ARHGAP24: variants seen among roughly 807,000 people sequenced by gnomAD.
ARHGAP24 encodes the protein Rho GTPase activating protein 24.
A neutral mutation model predicts 76.4 loss-of-function variants in ARHGAP24; 50 were observed. The observed-to-expected ratio is 0.65, with a 90% CI of 0.52 to 0.83. The LOEUF is 0.83. ARHGAP24 is among the 40% of genes least tolerant of loss of function. The pLI is 0.00. For synonymous variants in ARHGAP24, 345 were observed against 323.3 expected (o/e 1.07, Z -0.72); for missense variants, 930 against 914.2 (o/e 1.02, Z -0.22).
chr4:85,545,561 T>G (rs796354924), intron 1 of ARHGAP24, among the ~76,000 whole-genome samples: 3 of 152,302 alleles, frequency 2.0e-5, no homozygotes, highest in African/African-American at 7.2e-5. Flanking sequence ...CTGCAAAGGA[T>G]GCGCAAGAGA....
intron 1 of ARHGAP24, among the ~76,000 whole-genome samples, chr4:85,492,002 G>C (rs1314438482): frequency 1.3e-5 from 2 of 151,606 alleles, no homozygotes; most frequent in African/African-American, 4.9e-5. Context: ...TTTGTCTTTT[G>C]TCTTTCTTCC....
intron 3 of ARHGAP24, 54 bp from the exon 4 acceptor site, chr4:85,923,594 T>G: frequency 6.2e-7 from 1 of 1,611,320 alleles, no homozygotes; most frequent in Non-Finnish European, 8.5e-7. Context: ...TGGAGGCTGA[T>G]CATGAGGAAT....
intron 3 of ARHGAP24, among the ~76,000 whole-genome samples, chr4:85,874,263 T>C (rs1438529298): frequency 6.6e-6 from 1 of 152,174 alleles, no homozygotes; most frequent in Non-Finnish European, 1.5e-5. Flanking sequence ...CCCTTTGAGA[T>C]GGAGGTCTCA....
At chr4:85,926,211 C>A (rs1359046785) in intron 4 of ARHGAP24, among the ~76,000 whole-genome samples, 1 of 152,074 alleles carries the variant, frequency 6.6e-6, no homozygotes. Context: ...GTTGATTGGT[C>A]TATAAACTTT....
In ARHGAP24 at chr4:85,721,160, C is replaced by G. The variant is rs188049796; in HGVS notation, c.181-725C>G. ...CCTGTAATCCCAGCATTTTGGGAAG[C>G]CGAGGCAGGTGGATCACCTAAGGTC... On this transcript the variant is annotated intron_variant, in intron 2 of 9. Coordinates refer to ENST00000395184, the MANE Select transcript of ARHGAP24 (RefSeq NM_001025616.3). Among the ~76,000 whole-genome samples, 4 of 152,200 alleles carry G rather than the reference C, an allele frequency of 2.6e-5. No individual in the cohort carries two copies. In the East Asian group the frequency reaches 7.7e-4, roughly 29 times the overall value.
chr4:85,905,424 T>G (rs1734720790), intron 3 of ARHGAP24, among the ~76,000 whole-genome samples: 1 of 152,182 alleles, frequency 6.6e-6, no homozygotes. Context: ...AATTAACTCT[T>G]ACATACTATA....
At chr4:85,724,603 TA>T (rs1292214233) in intron 3 of ARHGAP24, among the ~76,000 whole-genome samples, 1 of 151,256 alleles carries the variant, frequency 6.6e-6, no homozygotes, top group Admixed American at 6.6e-5. Context: ...AAAATCATAT[TA>T]AAAAAACAAG....
intron 1 of ARHGAP24, among the ~76,000 whole-genome samples, chr4:85,558,189 C>T (rs977393196): frequency 1.3e-5 from 2 of 152,242 alleles, no homozygotes; most frequent in African/African-American, 4.8e-5. Context: ...CAAGCCCATC[C>T]CTTTAGCAAA....
At chr4:85,670,728 C>G (rs897659472) in intron 2 of ARHGAP24, among the ~76,000 whole-genome samples, 1 of 151,928 alleles carries the variant, frequency 6.6e-6, no homozygotes, top group African/African-American at 2.4e-5. Flanking sequence ...TTTGCATTGC[C>G]TTTAAGCCAC....
At chr4:85,643,440 A>G (rs1231800905) in intron 2 of ARHGAP24, among the ~76,000 whole-genome samples, 5 of 115,910 alleles carry the variant, frequency 4.3e-5, no homozygotes, top group African/African-American at 1.5e-4. Context: ...TTGTATTTTT[A>G]GTAGAGACGG....
intron 3 of ARHGAP24, among the ~76,000 whole-genome samples, chr4:85,916,476 A>G (rs1348601095): frequency 6.6e-6 from 1 of 152,152 alleles, no homozygotes; most frequent in Non-Finnish European, 1.5e-5. Flanking sequence ...AGAACTCTCC[A>G]TCCCACTAAA....
chr4:85,824,269 T>C, intron 3 of ARHGAP24, among the ~76,000 whole-genome samples: 1 of 152,234 alleles, frequency 6.6e-6, no homozygotes, highest in East Asian at 1.9e-4. Flanking sequence ...TCACAGCTTA[T>C]AAGTATTATC....
chr4:85,520,580 ATC>A (rs1289802528), intron 1 of ARHGAP24, among the ~76,000 whole-genome samples: 2 of 152,134 alleles, frequency 1.3e-5, no homozygotes, highest in African/African-American at 4.8e-5. Flanking sequence ...TTTCCTAACT[ATC>A]TCTCTGCATT....
chr4:85,566,162 T>C (rs1726837270), intron 1 of ARHGAP24, among the ~76,000 whole-genome samples: 1 of 152,240 alleles, frequency 6.6e-6, no homozygotes, highest in South Asian at 2.1e-4. Flanking sequence ...ACTGTTTATT[T>C]AGATTATTAC....
At chr4:85,795,902 C>A (rs1728321202) in intron 3 of ARHGAP24, among the ~76,000 whole-genome samples, 1 of 152,114 alleles carries the variant, frequency 6.6e-6, no homozygotes. Context: ...CAACTTGACT[C>A]ATTCACACAT....
intron 2 of ARHGAP24, among the ~76,000 whole-genome samples, chr4:85,667,339 A>G (rs1200731985): frequency 6.6e-6 from 1 of 152,114 alleles, no homozygotes. Context: ...GCCATTTTTT[A>G]AGCCCGTCGG....
chr4:85,994,202 T>A (rs2148870236), intron 8 of ARHGAP24, among the ~76,000 whole-genome samples: 1 of 152,320 alleles, frequency 6.6e-6, no homozygotes. Context: ...AAATGTCAAA[T>A]TTTTAATAAA....
chr4:85,570,167 C>T (rs932626341), intron 1 of ARHGAP24, among the ~76,000 whole-genome samples: 2 of 152,182 alleles, frequency 1.3e-5, no homozygotes, highest in African/African-American at 4.8e-5. Context: ...AACAAGCTCT[C>T]TCCACGTTTC....
intron 1 of ARHGAP24, among the ~76,000 whole-genome samples, chr4:85,531,122 G>A (rs1241012575): frequency 6.6e-6 from 1 of 151,978 alleles, no homozygotes; most frequent in African/African-American, 2.4e-5. Flanking sequence ...TCAGTTCTTT[G>A]AGTGGGGCCA....
Sources: gnomAD v4.1 joint callset for allele counts (sites outside exome capture counted in the v4.1 genomes callset) on GRCh38, gnomAD v4.1.1 for gene constraint, MANE v1.5 for transcripts, NCBI Gene and HGNC (gene_info 2026-07-23, HGNC 2026-07-21) for gene names.